The following MGAT4A variants were observed in gnomAD, a reference collection of about 807,000 sequenced individuals.
MGAT4A encodes the protein alpha-1,3-mannosyl-glycoprotein 4-beta-N-acetylglucosaminyltransferase A, also known as N-acetylglucosaminyltransferase IVa.
Under a neutral mutation model 74.1 loss-of-function variants are expected in MGAT4A, and 33 were observed. That is an observed-to-expected ratio of 0.45 (90% CI 0.34 to 0.60). The LOEUF (loss-of-function observed/expected upper bound fraction) is 0.60, where lower values mean the gene tolerates loss of function less well. Among genes scored for constraint, MGAT4A ranks in the 20% least tolerant of loss-of-function variants. The pLI, the probability that MGAT4A is intolerant of heterozygous loss-of-function variation, is 0.02. For missense variants in MGAT4A, 479 were observed against 628.3 expected (o/e 0.76, Z 2.54); for synonymous variants, 198 against 210.4 (o/e 0.94, Z 0.51).
At chr2:98,689,766 T>C (rs1474714034) in intron 2 of MGAT4A, among the ~76,000 whole-genome samples, 1 of 152,084 alleles carries the variant, frequency 6.6e-6, no homozygotes, top group Non-Finnish European at 1.5e-5. Context: ...GAGGTTGCAG[T>C]GAACTGAGTT....
intron 2 of MGAT4A, among the ~76,000 whole-genome samples, chr2:98,683,138 G>C (rs1195468240): frequency 1.3e-5 from 2 of 151,938 alleles, no homozygotes; most frequent in African/African-American, 4.8e-5. Context: ...ACTTTAAGAC[G>C]TGTCAAGGTC....
chr2:98,640,518 C>T (rs1213555544), intron 10 of MGAT4A, among the ~76,000 whole-genome samples: 1 of 152,056 alleles, frequency 6.6e-6, no homozygotes, highest in Non-Finnish European at 1.5e-5. Context: ...GCAGGAGAAT[C>T]GCTTGAACCC....
intron 13 of MGAT4A, among the ~76,000 whole-genome samples, chr2:98,636,281 C>A (rs748792419): frequency 2.1e-4 from 32 of 152,208 alleles, no homozygotes; most frequent in Non-Finnish European, 3.1e-4. Flanking sequence ...ACGTGAGCCA[C>A]CGGGTGTGGC....
In MGAT4A at chr2:98,699,297, G is replaced by A. The variant is rs762976832; in HGVS notation, c.95-20826C>T. Among the ~76,000 whole-genome samples, 3 of 152,274 alleles carry A rather than the reference G, an allele frequency of 2.0e-5. No individual in the cohort carries two copies. In the East Asian group the frequency reaches 5.8e-4, roughly 29 times the overall value. On this transcript the variant is annotated intron_variant, in intron 2 of 15. Transcript: ENST00000393487. Reference sequence around the variant, plus strand: ...TTTCAGACTCCAATAAGGAAACCAGGTGTTCAGCATAACCACACAACTTGT... The same window carrying A: ...TTTCAGACTCCAATAAGGAAACCAGATGTTCAGCATAACCACACAACTTGT...
intron 2 of MGAT4A, among the ~76,000 whole-genome samples, chr2:98,710,142 G>A (rs577778426): frequency 2.6e-5 from 4 of 152,224 alleles, no homozygotes; most frequent in Admixed American, 6.5e-5. Flanking sequence ...ACAACTCCTC[G>A]TGAAAGGAAC....
At chr2:98,647,139 C>T (rs1262276161) in intron 8 of MGAT4A, among the ~76,000 whole-genome samples, 2 of 152,076 alleles carry the variant, frequency 1.3e-5, no homozygotes, top group Admixed American at 6.5e-5. Flanking sequence ...ACTTGGAAAC[C>T]GCTAATGAAA....
chr2:98,663,422 A>G (rs1701782300), intron 4 of MGAT4A: 1 of 1,498,714 alleles, frequency 6.7e-7, no homozygotes, highest in South Asian at 1.3e-5. Flanking sequence ...TAAACTTCAC[A>G]CTAAAAAATG....
chr2:98,730,447 G>A (rs1041658602), intron 1 of MGAT4A, among the ~76,000 whole-genome samples: 11 of 152,172 alleles, frequency 7.2e-5, no homozygotes, highest in Non-Finnish European at 1.5e-4. Context: ...CGCGGGCCCC[G>A]CAGCCCTTCA....
intron 2 of MGAT4A, among the ~76,000 whole-genome samples, chr2:98,714,754 G>C (rs1327348688): frequency 6.6e-6 from 1 of 152,178 alleles, no homozygotes; most frequent in Non-Finnish European, 1.5e-5. Context: ...ATGGAGACTA[G>C]ATAGAGGTGG....
In MGAT4A at chr2:98,654,336, A is replaced by T. The variant is rs553501379; in HGVS notation, c.774+1109T>A. The stretch of plus-strand genomic sequence containing the variant: ...GAGCAATTAAACAAGTAAAAAAAGT[A>T]AAAGGTACCCAAACCGGAAAAGAAG... On this transcript the variant is annotated intron_variant, in intron 8 of 15. Coordinates refer to ENST00000393487, the MANE Select transcript of MGAT4A (RefSeq NM_012214.3). Among the ~76,000 whole-genome samples the T allele has an allele frequency of 2.4e-3, 369 of 152,254 alleles. 1 individual carries two copies. The highest frequency in any genetic ancestry group is 8.4e-3 in the African/African-American group (348 of 41,562).
chr2:98,651,790 T>C (rs554158743), intron 8 of MGAT4A, among the ~76,000 whole-genome samples: 1 of 152,314 alleles, frequency 6.6e-6, no homozygotes, highest in Non-Finnish European at 1.5e-5. Flanking sequence ...AAATTTTTAA[T>C]GAGATCTATT....
In MGAT4A at chr2:98,669,355, CTCTT is replaced by C. The variant is rs528956793; in HGVS notation, c.403+5676_403+5679del. On this transcript the variant is annotated intron_variant, in intron 4 of 15. Transcript: ENST00000393487. ...GAGTTCCCTTGCACAAGCTTGCTCT[CTCTT>C]TGCCTGCTGCCATCCACGTAAGATG... Among the ~76,000 whole-genome samples the C allele has an allele frequency of 5.8e-3, 882 of 152,298 alleles. 1 individual carries two copies. The highest frequency in any genetic ancestry group is 9.7e-3 in the Non-Finnish European group (662 of 68,028).
chr2:98,656,242 T>C (rs1247372416), intron 7 of MGAT4A, 110 bp downstream of exon 7: 1 of 821,310 alleles, frequency 1.2e-6, no homozygotes. Context: ...TTACCTAGAA[T>C]ATTTTACCAA....
At chr2:98,711,994 C>T (rs570525938) in intron 2 of MGAT4A, among the ~76,000 whole-genome samples, 1 of 152,230 alleles carries the variant, frequency 6.6e-6, no homozygotes, top group South Asian at 2.1e-4. Flanking sequence ...GAAATTCCTG[C>T]CGAGCCCTTC....
At chr2:98,654,523 C>CA (rs887494280) in intron 8 of MGAT4A, among the ~76,000 whole-genome samples, 96 of 147,140 alleles carry the variant, frequency 6.5e-4, no homozygotes, top group South Asian at 6.4e-4. Flanking sequence ...ATGACCAATC[C>CA]AAAAAAAAAA....
intron 1 of MGAT4A, among the ~76,000 whole-genome samples, chr2:98,729,167 G>GA (rs71978870): frequency 0.1 from 14,907 of 144,604 alleles, 1,340 homozygotes; most frequent in African/African-American, 0.23. Flanking sequence ...CCTAATATAT[G>GA]AAAAAAAAAA....
intron 2 of MGAT4A, among the ~76,000 whole-genome samples, chr2:98,711,034 T>C (rs1702510732): frequency 6.6e-6 from 1 of 151,956 alleles, no homozygotes; most frequent in African/African-American, 2.4e-5. Flanking sequence ...ACCAAGATGC[T>C]AGACTAGACC....
intron 3 of MGAT4A, 69 bp downstream of exon 3, chr2:98,678,233 GAA>G (rs748879200): frequency 5.6e-3 from 1,011 of 179,772 alleles, no homozygotes; most frequent in Non-Finnish European, 7.1e-3. Context: ...CTGTCTCAAA[GAA>G]AAAAAAAAAA....
At chr2:98,653,903 C>T (rs1050293042) in intron 8 of MGAT4A, among the ~76,000 whole-genome samples, 4 of 152,110 alleles carry the variant, frequency 2.6e-5, no homozygotes, top group Non-Finnish European at 5.9e-5. Flanking sequence ...ATGCAAAAAT[C>T]CTCAACAGAA....
Sources: allele counts gnomAD v4.1 joint callset (sites outside exome capture counted in the v4.1 genomes callset), GRCh38; gene constraint gnomAD v4.1.1; transcripts MANE v1.5; gene names NCBI Gene and HGNC (gene_info 2026-07-23, HGNC 2026-07-21).